Variants in KCNQ1 observed in about 807,000 individuals in gnomAD.
KCNQ1 encodes the protein potassium voltage-gated channel subfamily KQT member 1.
A neutral mutation model predicts 72.4 loss-of-function variants in KCNQ1; 49 were observed. The observed-to-expected ratio is 0.68, with a 90% CI of 0.54 to 0.86. The LOEUF is 0.86. Ranked by LOEUF, KCNQ1 falls within the 40% of genes least tolerant of loss-of-function variation. KCNQ1 has a pLI of 0.00. For missense variants in KCNQ1, 790 were observed against 945.1 expected (o/e 0.84, Z 2.15); for synonymous variants, 450 against 412.6 (o/e 1.09, Z -1.10).
intron 2 of KCNQ1, among the ~76,000 whole-genome samples, chr11:2,540,617 T>G (rs1847808991): frequency 6.6e-6 from 1 of 152,246 alleles, no homozygotes; most frequent in African/African-American, 2.4e-5. Flanking sequence ...GAGGAGTGGA[T>G]GTTCCCTTCA....
chr11:2,823,469 G>A (rs193168967), intron 15 of KCNQ1, among the ~76,000 whole-genome samples: 2 of 152,260 alleles, frequency 1.3e-5, no homozygotes, highest in Admixed American at 6.5e-5. Flanking sequence ...CCAGCAAAAC[G>A]TGGGAGGAAA....
At chr11:2,728,725 G>A (rs1845805396) in intron 11 of KCNQ1, among the ~76,000 whole-genome samples, 1 of 152,174 alleles carries the variant, frequency 6.6e-6, no homozygotes, top group Admixed American at 6.5e-5. Flanking sequence ...AGTCCCTGAG[G>A]GCTCCAGCTG....
intron 15 of KCNQ1, among the ~76,000 whole-genome samples, chr11:2,838,991 C>A (rs1848145616): frequency 6.7e-6 from 1 of 149,960 alleles, no homozygotes; most frequent in Non-Finnish European, 1.5e-5. Context: ...ATGGGACGAG[C>A]CCTGCCCGGG....
At chr11:2,717,382 A>G (rs545625268) in intron 11 of KCNQ1, among the ~76,000 whole-genome samples, 5 of 152,324 alleles carry the variant, frequency 3.3e-5, no homozygotes, top group South Asian at 4.1e-4. Flanking sequence ...CAGTATGCCA[A>G]TGTTCCCCAA....
chr11:2,813,722 T>C lies in KCNQ1; in HGVS notation c.1795-34045T>C, dbSNP rs145902577. ...ACTGCGTCATCAGTGCCTTTTGATC[T>C]TGTTGCCGCAAGATACACAGGAGGC... On this transcript the variant is annotated intron_variant, in intron 15 of 15. Transcript: ENST00000155840. This position sits in a 1 kb window ranked among gnomAD's most constrained non-coding sequence, Gnocchi z 4.4. Among the ~76,000 whole-genome samples the C allele has an allele frequency of 8.5e-5, 13 of 152,258 alleles. No individual in the cohort carries two copies. The East Asian group carries it at 1.2e-3, about 14-fold the overall frequency.
At chr11:2,472,644 C>T (rs1023523963) in intron 1 of KCNQ1, among the ~76,000 whole-genome samples, 9 of 107,948 alleles carry the variant, frequency 8.3e-5, no homozygotes, top group African/African-American at 2.5e-4. Context: ...TCACTGGCTG[C>T]GTGAGATGTG....
intron 10 of KCNQ1, chr11:2,643,260 T>C (rs1032655138): frequency 7.5e-5 from 30 of 398,348 alleles, no homozygotes; most frequent in Middle Eastern, 1.3e-3. Flanking sequence ...AAATGGAGAA[T>C]TGAAGTTCCC....
At chr11:2,596,661 A>G (rs1239588911) in intron 10 of KCNQ1, among the ~76,000 whole-genome samples, 4 of 152,056 alleles carry the variant, frequency 2.6e-5, no homozygotes, top group Non-Finnish European at 4.4e-5. Context: ...TAGAGTGACA[A>G]ACAAGTCAGT....
At chr11:2,675,476 C>T (rs926501039) in intron 11 of KCNQ1, 22 of 398,508 alleles carry the variant, frequency 5.5e-5, no homozygotes, top group African/African-American at 3.5e-4. Context: ...TACATAAAAA[C>T]GTAAATATTT....
At position 2,768,851 on chromosome 11, in the gene KCNQ1, GAACACCATCGGGCCACCATT is replaced by G; in HGVS notation, c.1525_1544del (p.His509GlyfsTer28). The G allele has an allele frequency of 6.2e-7, 1 of 1,613,988 alleles. No homozygotes were observed. The highest frequency in any genetic ancestry group is 8.5e-7 in the Non-Finnish European group (1 of 1,179,916). The stretch of plus-strand genomic sequence containing the variant: ...CTCCTCTCTCCACTGCAGGCTGCGG[GAACACCATCGGGCCACCATT>G]AAGGTCATTCGACGCATGCAGTACT... On this transcript the variant is annotated frameshift_variant, in exon 12 of 16. Coordinates refer to ENST00000155840, the MANE Select transcript of KCNQ1 (RefSeq NM_000218.3). LOFTEE classifies it high-confidence loss of function. The surrounding 1 kb of genome is among the most constrained non-coding windows in gnomAD (Gnocchi z 6.7).
rs1197220788 is a variant in KCNQ1, at chr11:2,816,719, C to T, written c.1795-31048C>T. ...ATTCTGGCTCACTCCCGCCTCAGGC[C>T]CACTGCCCTGGCTGGACTCCCTGCA... is the stretch of plus-strand genomic sequence containing the variant. On this transcript the variant is annotated intron_variant, in intron 15 of 15. Coordinates refer to ENST00000155840, the MANE Select transcript of KCNQ1 (RefSeq NM_000218.3). The surrounding 1 kb of genome is among the most constrained non-coding windows in gnomAD (Gnocchi z 6.8). 6.6e-6 allele frequency among the ~76,000 whole-genome samples: 1 copy of T among 152,044 alleles called. No homozygotes were observed. The highest frequency in any genetic ancestry group is 1.5e-5 in the Non-Finnish European group (1 of 67,994).
chr11:2,722,730 G>A (rs1845690219), intron 11 of KCNQ1, among the ~76,000 whole-genome samples: 1 of 152,058 alleles, frequency 6.6e-6, no homozygotes, highest in Non-Finnish European at 1.5e-5. Context: ...GCAGCCTCTT[G>A]GAACTTAGTG....
At position 2,526,190 on chromosome 11, in the gene KCNQ1, G is replaced by C. The variant is rs1358083281; in HGVS notation, c.387-1738G>C. Among the ~76,000 whole-genome samples the C allele has an allele frequency of 6.6e-6, 1 of 152,146 alleles. No individual in the cohort carries two copies. Among genetic ancestry groups the C allele is most frequent in the Admixed American group, 6.5e-5 (1 of 15,276 alleles). ...TGGGGCCATCGTGGTGTAAATACTG[G>C]GGCACGACATGGAGGGTTCACTGAC... On this transcript the variant is annotated intron_variant, in intron 1 of 15. Coordinates refer to ENST00000155840, the MANE Select transcript of KCNQ1 (RefSeq NM_000218.3). The surrounding 1 kb of genome is among the most constrained non-coding windows in gnomAD (Gnocchi z 6.1).
intron 10 of KCNQ1, chr11:2,649,669 G>A (rs753275561): frequency 3.3e-5 from 13 of 398,430 alleles, no homozygotes; most frequent in African/African-American, 1.0e-4. Flanking sequence ...TGAAAAATCT[G>A]TTAATCTGCT....
chr11:2,695,501 C>G lies in KCNQ1; in HGVS notation c.1514+33420C>G. 2.5e-6 allele frequency: 1 copy of G among 398,652 alleles called. No homozygotes were observed. Among genetic ancestry groups the G allele is most frequent in the Non-Finnish European group, 4.4e-6 (1 of 226,126 alleles). 24.7% of individuals were successfully genotyped at this position (398,652 alleles called of 1,614,324 possible). A position where few individuals can be genotyped will look rare whatever the true frequency, so the allele number is the denominator to read the frequency against. ...ATCTTGTGAAGTGTACATCTAGTCC[C>G]CTGCTCCTAACCACAGTGACCAGCT... On this transcript the variant is annotated intron_variant, in intron 11 of 15. Transcript: ENST00000155840. This position sits in a 1 kb window ranked among gnomAD's most constrained non-coding sequence, Gnocchi z 5.2.
At chr11:2,639,964 C>G (rs143575427) in intron 10 of KCNQ1, 1,974 of 153,934 alleles carry the variant, frequency 0.013, 15 homozygotes, top group Middle Eastern at 0.03. Context: ...GACTGCTGTG[C>G]TAGCAATGAG....
At chr11:2,822,229 C>A (rs748307772) in intron 15 of KCNQ1, among the ~76,000 whole-genome samples, 34 of 152,138 alleles carry the variant, frequency 2.2e-4, no homozygotes, top group Non-Finnish European at 4.0e-4. Flanking sequence ...ACCTTGTTAG[C>A]CCGGTGAGAC....
intron 11 of KCNQ1, among the ~76,000 whole-genome samples, chr11:2,731,173 G>A (rs547760749): frequency 6.6e-6 from 1 of 152,308 alleles, no homozygotes; most frequent in South Asian, 2.1e-4. Context: ...GCAGCCCCTA[G>A]GTACAGTCCC....
chr11:2,800,364 A>C (rs1847236067), intron 15 of KCNQ1, among the ~76,000 whole-genome samples: 1 of 152,212 alleles, frequency 6.6e-6, no homozygotes, highest in African/African-American at 2.4e-5. Context: ...CCAGCGCCTC[A>C]GTGCAGGCAG....
Sources: gnomAD v4.1 joint callset for allele counts (sites outside exome capture counted in the v4.1 genomes callset) on GRCh38, gnomAD v4.1.1 for gene constraint, Gnocchi (gnomAD v3.1) non-coding constraint, MANE v1.5 for transcripts, NCBI Gene and HGNC (gene_info 2026-07-23, HGNC 2026-07-21) for gene names.